USP9Y: variants seen among roughly 807,000 people sequenced by gnomAD.
USP9Y encodes ubiquitin carboxyl-terminal hydrolase 9Y.
A neutral mutation model predicts 53.1 loss-of-function variants in USP9Y; 41 were observed. The observed-to-expected ratio is 0.77, with a 90% CI of 0.60 to 1.00. The LOEUF is 1.00. Among genes scored for constraint, USP9Y ranks in the 50% least tolerant of loss-of-function variants. The pLI, the probability that USP9Y is intolerant of heterozygous loss-of-function variation, is 0.00. For missense variants in USP9Y, 567 were observed against 535.8 expected (o/e 1.06, Z -0.58); for synonymous variants, 220 against 173.7 (o/e 1.27, Z -2.09).
chrY:12,762,219 G>C, intron 15 of USP9Y, among the ~76,000 whole-genome samples: 1 of 33,169 alleles, frequency 3.0e-5, no homozygotes, highest in African/African-American at 1.2e-4. Context: ...GTACCTTCTT[G>C]AAGGTACAAA....
chrY:12,740,094 GA>G (rs2053456241), intron 12 of USP9Y, among the ~76,000 whole-genome samples: 1 of 33,404 alleles, frequency 3.0e-5, no homozygotes, highest in Admixed American at 2.8e-4. Flanking sequence ...TTTTAAGGTT[GA>G]TGAATTTATG....
chrY:12,764,823 C>G, intron 15 of USP9Y, among the ~76,000 whole-genome samples: 1 of 33,209 alleles, frequency 3.0e-5, no homozygotes, highest in Non-Finnish European at 7.4e-5. Flanking sequence ...GATCTGATAG[C>G]AGTCTTATTT....
chrY:12,726,739 T>G lies in USP9Y; in HGVS notation c.603T>G (p.Ala201=). The part of the protein sequence containing the change: ...TRPCELISSN[A]QLPEDELFAR... ...CGTGTGAATTAATTTCCTCAAATGC[T>G]CAGTTGCCTGAAGATGAATTATTTG... The change falls in exon 7 of 46, where the codon GCT becomes GCG. Residue 201 remains alanine, a synonymous_variant. Coordinates refer to ENST00000338981, the MANE Select transcript of USP9Y (RefSeq NM_004654.4). 2.5e-6 allele frequency: 1 copy of G among 398,800 alleles called. No individual in the cohort carries two copies. Among genetic ancestry groups the G allele is most frequent in the Non-Finnish European group, 3.5e-6 (1 of 283,391 alleles).
chrY:12,733,198 T>C (rs2053448522), intron 7 of USP9Y, among the ~76,000 whole-genome samples: 2 of 31,936 alleles, frequency 6.3e-5, no homozygotes, highest in Admixed American at 2.8e-4. Flanking sequence ...TGATTAAAGG[T>C]GTGAGACACT....
intron 34 of USP9Y, among the ~76,000 whole-genome samples, chrY:12,835,518 A>C: frequency 1.2e-4 from 4 of 33,826 alleles, no homozygotes; most frequent in Non-Finnish European, 2.2e-4. Context: ...AAAGTTTCCA[A>C]CTGTGAGAAA....
At position 12,772,530 on chromosome Y, in the gene USP9Y, C is replaced by T. The variant is rs755330255; in HGVS notation, c.1989-1053C>T. Among the ~76,000 whole-genome samples the T allele has an allele frequency of 1.3e-3, 41 of 30,926 alleles. No homozygotes were observed. In the South Asian group the frequency reaches 0.031, roughly 23 times the overall value. 83.0% of individuals were successfully genotyped at this position (30,926 alleles called of 37,273 possible). ...CTGTAATCCCAGCACTTTGGGAGGC[C>T]GAGGTGGGCGGATTACCTGAGGTCA... On this transcript the variant is annotated intron_variant, in intron 16 of 45. Transcript: ENST00000338981.
chrY:12,762,111 C>T, intron 15 of USP9Y, among the ~76,000 whole-genome samples: 1 of 33,057 alleles, frequency 3.0e-5, no homozygotes, highest in Non-Finnish European at 7.4e-5. Context: ...ACCAAGCTTG[C>T]TGGCCCCTTT....
At chrY:12,796,950 G>A (rs958573299) in intron 27 of USP9Y, among the ~76,000 whole-genome samples, 106 of 33,268 alleles carry the variant, frequency 3.2e-3, no homozygotes, top group Non-Finnish European at 5.3e-3. Flanking sequence ...TAACCCTCTG[G>A]GAATGCAGCC....
intron 4 of USP9Y, 137 bp downstream of exon 4, chrY:12,720,874 G>A: frequency 5.3e-6 from 1 of 188,302 alleles, no homozygotes; most frequent in Non-Finnish European, 9.2e-6. Context: ...TATTTTAATA[G>A]CCTGAACATT....
chrY:12,723,235 T>G (rs762522607), intron 5 of USP9Y, among the ~76,000 whole-genome samples: 7 of 30,927 alleles, frequency 2.3e-4, no homozygotes, highest in African/African-American at 8.7e-4. Context: ...AATTTGATAT[T>G]TTTACTCTCA....
chrY:12,814,336 G>A, intron 31 of USP9Y, among the ~76,000 whole-genome samples: 1 of 27,054 alleles, frequency 3.7e-5, no homozygotes, highest in African/African-American at 1.5e-4. Context: ...AGACCATCCC[G>A]GCTAAAACGG....
intron 27 of USP9Y, among the ~76,000 whole-genome samples, chrY:12,800,220 C>T: frequency 3.0e-5 from 1 of 33,593 alleles, no homozygotes; most frequent in Non-Finnish European, 7.4e-5. Context: ...CTTCTGTGAC[C>T]CATGGCTTCT....
intron 9 of USP9Y, 59 bp from the exon 10 acceptor site, chrY:12,736,352 A>G: frequency 2.8e-6 from 1 of 360,520 alleles, no homozygotes; most frequent in Non-Finnish European, 4.0e-6. Flanking sequence ...TAGTGGAAAG[A>G]TGAATGCACT....
intron 34 of USP9Y, among the ~76,000 whole-genome samples, chrY:12,837,007 G>T (rs2053555807): frequency 3.0e-5 from 1 of 33,109 alleles, no homozygotes; most frequent in African/African-American, 1.2e-4. Context: ...CACCCAGAAG[G>T]ATAAGATTTA....
intron 3 of USP9Y, among the ~76,000 whole-genome samples, chrY:12,716,470 AT>A (rs2053430813): frequency 3.1e-5 from 1 of 32,756 alleles, no homozygotes; most frequent in African/African-American, 1.2e-4. Flanking sequence ...TAAATTTGGC[AT>A]TTTTTCATTT....
chrY:12,832,754 A>G, intron 33 of USP9Y, among the ~76,000 whole-genome samples: 1 of 33,193 alleles, frequency 3.0e-5, no homozygotes, highest in Non-Finnish European at 7.4e-5. Flanking sequence ...AGTGGTTGCC[A>G]GGAATTAATA....
At chrY:12,789,776 A>G (rs2053505797) in intron 24 of USP9Y, among the ~76,000 whole-genome samples, 1 of 33,510 alleles carries the variant, frequency 3.0e-5, no homozygotes. Flanking sequence ...CAAAATAAGT[A>G]GCTTCCTAAA....
chrY:12,761,600 T>A, intron 15 of USP9Y, among the ~76,000 whole-genome samples: 1 of 33,119 alleles, frequency 3.0e-5, no homozygotes, highest in Non-Finnish European at 7.4e-5. Context: ...TCCCCAAAAG[T>A]TCATAAAACA....
intron 33 of USP9Y, among the ~76,000 whole-genome samples, chrY:12,829,450 A>C: frequency 2.9e-5 from 1 of 34,135 alleles, no homozygotes; most frequent in African/African-American, 1.1e-4. Flanking sequence ...CTTTCCCCTA[A>C]AGTGAACCTC....
Sources: gnomAD v4.1 joint callset for allele counts (sites outside exome capture counted in the v4.1 genomes callset) on GRCh38, gnomAD v4.1.1 for gene constraint, MANE v1.5 for transcripts, NCBI Gene and HGNC (gene_info 2026-07-23, HGNC 2026-07-21) for gene names.